Variants in PREPL observed in about 807,000 individuals in gnomAD.
The protein encoded by PREPL is prolyl endopeptidase-like.
Under a neutral mutation model 70.6 loss-of-function variants are expected in PREPL, and 77 were observed. The observed-to-expected ratio is 1.09, with a 90% CI of 0.91 to 1.32. The LOEUF is 1.32. PREPL is among the 40% of genes most tolerant of loss of function. PREPL has a pLI of 0.00. For missense variants in PREPL, 1,002 were observed against 778.2 expected, an observed-to-expected ratio of 1.29 and a Z score of -3.42; for synonymous variants, 315 against 264.8, an observed-to-expected ratio of 1.19 and a Z score of -1.84.
intron 9 of PREPL, 37 bp from the exon 10 acceptor site, chr2:44,326,965 A>G: frequency 6.4e-7 from 1 of 1,572,774 alleles, no homozygotes; most frequent in Non-Finnish European, 8.7e-7. Context: ...AGTGGAAAAA[A>G]AAAGTTAATA....
intron 5 of PREPL, among the ~76,000 whole-genome samples, chr2:44,340,546 G>C (rs1675100820): frequency 6.6e-6 from 1 of 152,074 alleles, no homozygotes; most frequent in African/African-American, 2.4e-5. Flanking sequence ...ATGTTTATTT[G>C]TCAATCGTTA....
intron 1 of PREPL, among the ~76,000 whole-genome samples, chr2:44,349,458 A>T (rs972663081): frequency 6.6e-6 from 1 of 152,218 alleles, no homozygotes; most frequent in Admixed American, 6.5e-5. Context: ...TACATTGAAA[A>T]AACATAAATC....
In PREPL at chr2:44,329,071, G is replaced by A. The variant is rs1436264643; in HGVS notation, c.1128C>T (p.Asp376=). The stretch of plus-strand genomic sequence containing the variant: ...GAGGTTTCTTCTGCAAGTCCTCAGA[G>A]TCAGTTTTGTGGAAAACAGTCATTG... ...LVPMTVFHKT[D]SEDLQKKPLL... Residue 376 remains aspartate, a synonymous_variant, in exon 9 of 14, where the codon GAC becomes GAT. Coordinates refer to ENST00000409411, the MANE Select transcript of PREPL (RefSeq NM_001171613.2). 1.9e-6 allele frequency: 3 copies of A among 1,610,480 alleles called. No individual in the cohort carries two copies. The highest frequency in any genetic ancestry group is 2.5e-6 in the Non-Finnish European group (3 of 1,177,010).
chr2:44,352,769 TCA>T (rs1441335361), intron 1 of PREPL, among the ~76,000 whole-genome samples: 1 of 151,622 alleles, frequency 6.6e-6, no homozygotes. Context: ...ACAAAAGATA[TCA>T]CAAAGTGAAA....
intron 5 of PREPL, 38 bp downstream of exon 5, chr2:44,342,379 G>A (rs113162048): frequency 6.4e-7 from 1 of 1,550,592 alleles, no homozygotes; most frequent in South Asian, 1.2e-5. Flanking sequence ...CTGGAGGAAG[G>A]TTCTGGAGAG....
At chr2:44,357,660 T>C (rs1433287528) in intron 1 of PREPL, among the ~76,000 whole-genome samples, 1 of 152,226 alleles carries the variant, frequency 6.6e-6, no homozygotes, top group Non-Finnish European at 1.5e-5. Context: ...CAACCTTCTG[T>C]TTAGAATGTG....
chr2:44,355,755 A>G (rs1039296767), intron 1 of PREPL, among the ~76,000 whole-genome samples: 1 of 83,558 alleles, frequency 1.2e-5, no homozygotes, highest in East Asian at 2.6e-4. Flanking sequence ...TACATATTAT[A>G]TATATATATA....
intron 8 of PREPL, among the ~76,000 whole-genome samples, chr2:44,332,118 G>C (rs954494677): frequency 6.6e-6 from 1 of 151,568 alleles, no homozygotes; most frequent in African/African-American, 2.4e-5. Context: ...AGCTAATTTT[G>C]TGTATTTTTA....
intron 1 of PREPL, among the ~76,000 whole-genome samples, chr2:44,350,883 C>T (rs984643975): frequency 6.6e-6 from 1 of 152,050 alleles, no homozygotes; most frequent in Non-Finnish European, 1.5e-5. Flanking sequence ...GCTTCCAGGA[C>T]ACCTCATTCT....
intron 7 of PREPL, among the ~76,000 whole-genome samples, chr2:44,333,576 T>G (rs928510131): frequency 6.6e-6 from 1 of 152,006 alleles, no homozygotes; most frequent in Non-Finnish European, 1.5e-5. Flanking sequence ...CCATTCCACC[T>G]GCAGCAACTA....
intron 10 of PREPL, among the ~76,000 whole-genome samples, chr2:44,324,284 G>A (rs1384992654): frequency 4.6e-5 from 7 of 152,102 alleles, no homozygotes; most frequent in Admixed American, 4.6e-4. Context: ...ATCGGTACAG[G>A]GTTTCAGTTT....
rs1373428564 is a variant in PREPL, at chr2:44,317,795, T to A, written c.*3561A>T. The A allele has an allele frequency of 1.3e-5, 2 of 157,174 alleles. No homozygotes were observed. The highest frequency in any genetic ancestry group is 6.4e-5 in the Admixed American group (1 of 15,618). 9.7% of individuals were successfully genotyped at this position (157,174 alleles called of 1,614,324 possible). On this transcript the variant is annotated 3_prime_UTR_variant, in exon 14 of 14. Coordinates refer to ENST00000409411, the MANE Select transcript of PREPL (RefSeq NM_001171613.2). ...AAAAAACCCTAAACAATAGTATAAC[T>A]ACAAATAAAATAGGGCTTCCGAATT...
intron 2 of PREPL, among the ~76,000 whole-genome samples, chr2:44,344,971 G>A (rs981408837): frequency 6.6e-6 from 1 of 152,164 alleles, no homozygotes; most frequent in Non-Finnish European, 1.5e-5. Context: ...ATGCAGATGA[G>A]GAAACTGTGG....
chr2:44,332,136 T>C (rs912627112), intron 8 of PREPL, among the ~76,000 whole-genome samples: 4 of 151,916 alleles, frequency 2.6e-5, no homozygotes, highest in Non-Finnish European at 4.4e-5. Flanking sequence ...TTAGTAGAGA[T>C]GGGGTTTCAC....
chr2:44,339,033 T>G, intron 6 of PREPL, 114 bp downstream of exon 6: 2 of 1,479,830 alleles, frequency 1.4e-6, no homozygotes, highest in Non-Finnish European at 1.8e-6. Context: ...TGGTTATACA[T>G]AGGAAGGTGG....
In PREPL at chr2:44,322,736, C is replaced by A. The variant is rs752333096; in HGVS notation, c.1748G>T (p.Gly583Val). Residue 583 changes from glycine to valine, a missense_variant, in exon 12 of 14, where the codon GGT (glycine) becomes GTT (valine). Transcript: ENST00000409411. ...EAIAEHAKDT[G>V]EGYQTPNIIL... Reference sequence around the variant, plus strand: ...GCTTCTAGGGGGTCTCCTACCTTCACCTGTGTCCTTAGCATGCTCCGCGAT... The same window carrying A: ...GCTTCTAGGGGGTCTCCTACCTTCAACTGTGTCCTTAGCATGCTCCGCGAT... 6.2e-7 allele frequency: 1 copy of A among 1,613,532 alleles called. No individual in the cohort carries two copies. Among genetic ancestry groups the A allele is most frequent in the South Asian group, 1.1e-5 (1 of 91,048 alleles).
chr2:44,338,301 C>G, intron 7 of PREPL, 50 bp downstream of exon 7: 1 of 1,484,072 alleles, frequency 6.7e-7, no homozygotes, highest in Admixed American at 2.0e-5. Context: ...TTAAGCTAAA[C>G]TGCATAAATA....
intron 7 of PREPL, among the ~76,000 whole-genome samples, chr2:44,334,688 G>C (rs1674457507): frequency 6.6e-6 from 1 of 152,126 alleles, no homozygotes; most frequent in South Asian, 2.1e-4. Flanking sequence ...TCGGACTATA[G>C]GCACCTGCCA....
chr2:44,327,497 G>C (rs1489264753), intron 9 of PREPL, among the ~76,000 whole-genome samples: 1 of 152,146 alleles, frequency 6.6e-6, no homozygotes, highest in African/African-American at 2.4e-5. Flanking sequence ...GCAAAGAAAA[G>C]GCATTAAGAC....
Sources: gnomAD v4.1 joint callset for allele counts (sites outside exome capture counted in the v4.1 genomes callset) on GRCh38, gnomAD v4.1.1 for gene constraint, MANE v1.5 for transcripts, NCBI Gene and HGNC (gene_info 2026-07-23, HGNC 2026-07-21) for gene names.